Variants in THSD7B observed in about 807,000 individuals in gnomAD.
The protein encoded by THSD7B is thrombospondin type 1 domain containing 7B.
A neutral mutation model predicts 213.6 loss-of-function variants in THSD7B; 138 were observed. That is an observed-to-expected ratio of 0.65 (90% CI 0.56 to 0.74). THSD7B has a LOEUF of 0.74. THSD7B is among the 30% of genes least tolerant of loss of function. The pLI is 0.00. For synonymous variants in THSD7B, 742 were observed against 687.0 expected (o/e 1.08, Z -1.25); for missense variants, 1,931 against 1,991.5 (o/e 0.97, Z 0.58).
chr2:137,468,717 A>G (rs2105089635), intron 15 of THSD7B, among the ~76,000 whole-genome samples: 1 of 152,054 alleles, frequency 6.6e-6, no homozygotes, highest in African/African-American at 2.4e-5. Context: ...GTCACTGGAA[A>G]ATAGTTAGCA....
At chr2:137,563,943 C>T (rs1277035658) in intron 16 of THSD7B, among the ~76,000 whole-genome samples, 8 of 152,084 alleles carry the variant, frequency 5.3e-5, no homozygotes, top group Non-Finnish European at 7.4e-5. Flanking sequence ...AAAGGAAATA[C>T]ATGGTCTGAG....
At chr2:137,272,369 G>C (rs1682765149) in intron 10 of THSD7B, among the ~76,000 whole-genome samples, 164 bp from the exon 11 acceptor site, 2 of 152,092 alleles carry the variant, frequency 1.3e-5, no homozygotes, top group Admixed American at 1.3e-4. Flanking sequence ...ATAAAAGTAA[G>C]ATGGAGTGTT....
intron 12 of THSD7B, among the ~76,000 whole-genome samples, chr2:137,359,159 A>G (rs887991570): frequency 1.3e-5 from 2 of 152,168 alleles, no homozygotes; most frequent in African/African-American, 4.8e-5. Flanking sequence ...TGGCTGTGAC[A>G]TATCTTCTCC....
chr2:137,196,972 C>G (rs1489693857), intron 7 of THSD7B, among the ~76,000 whole-genome samples: 1 of 152,166 alleles, frequency 6.6e-6, no homozygotes, highest in Non-Finnish European at 1.5e-5. Flanking sequence ...AGCTCAGCAT[C>G]AGTTCTGTGC....
chr2:137,303,662 TTATATATATTAA>T (rs1364382455), intron 12 of THSD7B, among the ~76,000 whole-genome samples: 1 of 128,886 alleles, frequency 7.8e-6, no homozygotes, highest in Non-Finnish European at 1.6e-5. Context: ...ATTTTCGTGT[TTATATATATTAA>T]TATATATATT....
At chr2:137,204,927 T>A (rs1680951547) in intron 7 of THSD7B, among the ~76,000 whole-genome samples, 1 of 152,080 alleles carries the variant, frequency 6.6e-6, no homozygotes, top group South Asian at 2.1e-4. Context: ...GCATCAGTAA[T>A]GCATGGACAA....
rs779145219 is a variant in THSD7B, at chr2:137,242,573, G to T, written c.2266+1G>T. On this transcript the variant is annotated splice_donor_variant, in intron 10 of 27. Transcript: ENST00000409968. LOFTEE classifies it high-confidence loss of function. ...CCCTGCCCAAGGATGTGCCAAGCAG[G>T]TAGGTGGATGCTGCGTTCTTAGTTC... 6.2e-7 allele frequency: 1 copy of T among 1,606,772 alleles called. No individual in the cohort carries two copies. Among genetic ancestry groups the T allele is most frequent in the Non-Finnish European group, 8.5e-7 (1 of 1,173,542 alleles).
Position 137,652,046 on chromosome 2 carries a change from TC to T in THSD7B, c.3946-3454del, listed in dbSNP as rs548025819. ...ATTCTACAACAATTGGGTGAAATAT[TC>T]TATAAATATCTGTTAGACCTATTTG... is the stretch of plus-strand genomic sequence containing the variant. On this transcript the variant is annotated intron_variant, in intron 21 of 27. Transcript: ENST00000409968. Among the ~76,000 whole-genome samples, 12 of 152,212 alleles carry T rather than the reference TC, an allele frequency of 7.9e-5. No homozygotes were observed. In the East Asian group the frequency reaches 2.3e-3, roughly 29 times the overall value.
At chr2:137,100,624 C>T (rs189450257) in intron 4 of THSD7B, among the ~76,000 whole-genome samples, 6 of 152,028 alleles carry the variant, frequency 3.9e-5, no homozygotes, top group South Asian at 4.2e-4. Flanking sequence ...GTGCCTGGCT[C>T]GTAGTAAATG....
chr2:137,469,867 A>G (rs1688059779), intron 15 of THSD7B, among the ~76,000 whole-genome samples: 1 of 152,158 alleles, frequency 6.6e-6, no homozygotes, highest in Non-Finnish European at 1.5e-5. Context: ...GACTACTATG[A>G]TGGGGAAGTG....
intron 1 of THSD7B, among the ~76,000 whole-genome samples, chr2:136,847,705 G>A (rs1460994965): frequency 6.6e-6 from 1 of 152,120 alleles, no homozygotes; most frequent in African/African-American, 2.4e-5. Flanking sequence ...CGCCCACCAA[G>A]GCAGTCTACC....
At chr2:137,411,955 C>G in intron 14 of THSD7B, 83 bp downstream of exon 14, 1 of 1,464,252 alleles carries the variant, frequency 6.8e-7, no homozygotes, top group African/African-American at 1.4e-5. Context: ...ATTAATAGCT[C>G]TGCTCTATAA....
At chr2:136,882,405 G>C in intron 2 of THSD7B, 88 bp downstream of exon 2, 1 of 1,296,518 alleles carries the variant, frequency 7.7e-7, no homozygotes, top group Non-Finnish European at 9.9e-7. Flanking sequence ...TTCTAAAGTA[G>C]TGGGAAATAT....
At chr2:137,261,736 TA>T (rs2083705624) in intron 10 of THSD7B, among the ~76,000 whole-genome samples, 1 of 152,164 alleles carries the variant, frequency 6.6e-6, no homozygotes, top group Non-Finnish European at 1.5e-5. Context: ...AGCCTAATTT[TA>T]ATTAGTTTGT....
At chr2:136,832,292 G>A (rs1207073263) in intron 1 of THSD7B, among the ~76,000 whole-genome samples, 1 of 151,854 alleles carries the variant, frequency 6.6e-6, no homozygotes, top group Non-Finnish European at 1.5e-5. Flanking sequence ...CCATCTGCAA[G>A]CTGGAGAGCT....
chr2:137,035,212 C>T (rs556839140), intron 2 of THSD7B, among the ~76,000 whole-genome samples: 8 of 152,240 alleles, frequency 5.3e-5, no homozygotes, highest in Middle Eastern at 3.4e-3. Context: ...TCTTTGCTGT[C>T]GATGTACCTA....
chr2:137,426,597 A>G (rs951985675), intron 14 of THSD7B, among the ~76,000 whole-genome samples: 1 of 152,180 alleles, frequency 6.6e-6, no homozygotes, highest in East Asian at 1.9e-4. Flanking sequence ...GATAAATGGT[A>G]TTGGATAAAC....
chr2:137,136,349 C>G (rs1679459415), intron 5 of THSD7B, among the ~76,000 whole-genome samples: 1 of 152,278 alleles, frequency 6.6e-6, no homozygotes, highest in South Asian at 2.1e-4. Context: ...TTCCAGTGAA[C>G]AGTTCACAAA....
intron 16 of THSD7B, among the ~76,000 whole-genome samples, chr2:137,568,005 A>G (rs1023583563): frequency 6.6e-6 from 1 of 152,174 alleles, no homozygotes; most frequent in South Asian, 2.1e-4. Flanking sequence ...GAAGGAAAAC[A>G]AAGAAAATGA....
Sources: allele counts gnomAD v4.1 joint callset (sites outside exome capture counted in the v4.1 genomes callset), GRCh38; gene constraint gnomAD v4.1.1; transcripts MANE v1.5; gene names NCBI Gene and HGNC (gene_info 2026-07-23, HGNC 2026-07-21).